GPATCH8: variants seen among roughly 807,000 people sequenced by gnomAD.
GPATCH8 encodes G patch domain-containing protein 8.
In GPATCH8, 18 loss-of-function variants were observed where a neutral mutation model predicts 118.3. That is an observed-to-expected ratio of 0.15 (90% CI 0.11 to 0.23). The LOEUF (loss-of-function observed/expected upper bound fraction) is 0.23, where lower values mean the gene tolerates loss of function less well. GPATCH8 is among the 10% of genes least tolerant of loss of function. The pLI is 1.00. For missense variants in GPATCH8, 1,631 were observed against 1,873.8 expected (o/e 0.87, Z 2.39); for synonymous variants, 659 against 684.7 (o/e 0.96, Z 0.59).
At chr17:44,451,684 G>T (rs185045873) in intron 3 of GPATCH8, among the ~76,000 whole-genome samples, 1 of 152,218 alleles carries the variant, frequency 6.6e-6, no homozygotes, top group African/African-American at 2.4e-5. Flanking sequence ...TTTGGCAAAA[G>T]TTCTTACCAC....
chr17:44,489,429 C>G (rs1969060343), intron 1 of GPATCH8, among the ~76,000 whole-genome samples: 2 of 151,926 alleles, frequency 1.3e-5, no homozygotes, highest in Admixed American at 1.3e-4. Flanking sequence ...CAACCTACCC[C>G]TCCTGGGTTC....
At chr17:44,413,186 C>T (rs1282820687) in intron 6 of GPATCH8, among the ~76,000 whole-genome samples, 1 of 152,038 alleles carries the variant, frequency 6.6e-6, no homozygotes. Flanking sequence ...AAGAAAAAAC[C>T]AAGTATTTGG....
At position 44,396,967 on chromosome 17, in the gene GPATCH8, G is replaced by A. The variant is rs1465796815; in HGVS notation, c.*601C>T. 4 of 454,020 alleles carry A rather than the reference G, an allele frequency of 8.8e-6. No individual in the cohort carries two copies. The highest frequency in any genetic ancestry group is 1.6e-5 in the South Asian group (1 of 64,476). 28.1% of individuals were successfully genotyped at this position (454,020 alleles called of 1,614,324 possible). A position where few individuals can be genotyped will look rare whatever the true frequency, so the allele number is the denominator to read the frequency against. On this transcript the variant is annotated 3_prime_UTR_variant, in exon 8 of 8. Coordinates refer to ENST00000591680, the MANE Select transcript of GPATCH8 (RefSeq NM_001002909.4). The stretch of plus-strand genomic sequence containing the variant: ...ATAACAGTGCCAAATGTGTGGCTCC[G>A]TTGATGTGGGAACTGGATGGAATTG...
chr17:44,459,134 G>A (rs1414006499), intron 3 of GPATCH8, among the ~76,000 whole-genome samples: 1 of 152,110 alleles, frequency 6.6e-6, no homozygotes, highest in African/African-American at 2.4e-5. Flanking sequence ...AGTGAGCTCA[G>A]AATTAGTGAA....
At chr17:44,464,838 A>G (rs1383010242) in intron 2 of GPATCH8, 2 of 381,352 alleles carry the variant, frequency 5.2e-6, no homozygotes, top group Non-Finnish European at 9.7e-6. Context: ...GAAAAGGGGA[A>G]GAATACATTT....
chr17:44,405,804 C>G, intron 7 of GPATCH8, 117 bp downstream of exon 7: 1 of 849,962 alleles, frequency 1.2e-6, no homozygotes, highest in South Asian at 1.6e-5. Context: ...GCGCCTGGCA[C>G]AAGGTTTTTA....
chr17:44,487,093 C>T (rs559689333), intron 1 of GPATCH8, among the ~76,000 whole-genome samples: 2 of 152,228 alleles, frequency 1.3e-5, no homozygotes, highest in Non-Finnish European at 2.9e-5. Context: ...CATTTATCTA[C>T]CATTATAGTA....
chr17:44,435,409 TCC>T (rs2050465202), intron 4 of GPATCH8, among the ~76,000 whole-genome samples: 2 of 84,940 alleles, frequency 2.4e-5, no homozygotes, highest in South Asian at 3.9e-4. Flanking sequence ...TTTCTTTCTT[TCC>T]TTTTTTTTTT....
At chr17:44,430,506 A>C (rs909507639) in intron 5 of GPATCH8, among the ~76,000 whole-genome samples, 1 of 152,210 alleles carries the variant, frequency 6.6e-6, no homozygotes, top group South Asian at 2.1e-4. Flanking sequence ...TAAAAACACT[A>C]AACAAAGCAG....
At position 44,396,876 on chromosome 17, in the gene GPATCH8, T is replaced by C; in HGVS notation, c.*692A>G. On this transcript the variant is annotated 3_prime_UTR_variant, in exon 8 of 8. Coordinates refer to ENST00000591680, the MANE Select transcript of GPATCH8 (RefSeq NM_001002909.4). ...AGCTCCTCTCTGGGCCATACAGCTT[T>C]TATTCATGATAGGATCTTCTTTTCT... The C allele has an allele frequency of 2.2e-6, 1 of 454,366 alleles. No homozygotes were observed. The highest frequency in any genetic ancestry group is 4.4e-6 in the Non-Finnish European group (1 of 226,782). The allele number at this position is 454,366 out of a possible 1,614,324, so 28.1% of individuals were successfully genotyped here. A position where few individuals can be genotyped will look rare whatever the true frequency, so the allele number is the denominator to read the frequency against.
chr17:44,416,535 A>T (rs1185944581), intron 6 of GPATCH8, among the ~76,000 whole-genome samples: 1 of 152,200 alleles, frequency 6.6e-6, no homozygotes, highest in Non-Finnish European at 1.5e-5. Context: ...CACTGAACCC[A>T]ACATTTTCAC....
rs1967211613 is a variant in GPATCH8 at position 44,470,687 on chromosome 17, T to C, written c.120+4142A>G. Among the ~76,000 whole-genome samples the C allele has an allele frequency of 3.3e-5, 5 of 152,132 alleles. No individual in the cohort carries two copies. The South Asian group carries it at 6.2e-4, about 19-fold the overall frequency. On this transcript the variant is annotated intron_variant, in intron 2 of 7. Transcript: ENST00000591680. ...ACCACGTCTGGCTACTTTTTGTATT[T>C]TTAGTAGAGACAGGGTTTCACCATG...
chr17:44,424,204 AAC>A, intron 6 of GPATCH8, 143 bp downstream of exon 6: 1 of 674,260 alleles, frequency 1.5e-6, no homozygotes. Flanking sequence ...CCACTGAAAA[AAC>A]AAAGTGTGTT....
At chr17:44,448,422 T>C (rs2050968699) in intron 3 of GPATCH8, among the ~76,000 whole-genome samples, 1 of 127,862 alleles carries the variant, frequency 7.8e-6, no homozygotes, top group Non-Finnish European at 1.6e-5. Flanking sequence ...TGGCCAGACA[T>C]GGTGGCAAAT....
chr17:44,395,932 G>A lies in GPATCH8; in HGVS notation c.*1636C>T, dbSNP rs1408903426. 1 of 454,274 alleles carries A rather than the reference G, an allele frequency of 2.2e-6. No individual in the cohort carries two copies. Among genetic ancestry groups the A allele is most frequent in the East Asian group, 6.9e-5 (1 of 14,390 alleles). 28.1% of individuals were successfully genotyped at this position (454,274 alleles called of 1,614,324 possible). ...AGAGCCTGGGTGAAAGGCAAGAAGA[G>A]GGGCAAAAGAGGCTGAGGTGGTAAT... On this transcript the variant is annotated 3_prime_UTR_variant, in exon 8 of 8. Transcript: ENST00000591680.
chr17:44,458,338 C>A (rs1258146054), intron 3 of GPATCH8, among the ~76,000 whole-genome samples: 1 of 151,098 alleles, frequency 6.6e-6, no homozygotes, highest in Non-Finnish European at 1.5e-5. Context: ...GTAATGTTTT[C>A]ACTAGTTGAT....
At chr17:44,437,242 T>C (rs1471123695) in intron 3 of GPATCH8, among the ~76,000 whole-genome samples, 1 of 152,186 alleles carries the variant, frequency 6.6e-6, no homozygotes, top group Non-Finnish European at 1.5e-5. Flanking sequence ...CGAGGGTAAC[T>C]GGTAAGCTGT....
chr17:44,502,754 C>T (rs537758143), intron 1 of GPATCH8, among the ~76,000 whole-genome samples: 1 of 152,174 alleles, frequency 6.6e-6, no homozygotes, highest in Admixed American at 6.5e-5. Context: ...AACACTTATG[C>T]CCCGCGAAAT....
In GPATCH8 at chr17:44,424,382, G is replaced by A; in HGVS notation, c.459C>T (p.Asn153=). 6.2e-7 allele frequency: 1 copy of A among 1,602,250 alleles called. No individual in the cohort carries two copies. Among genetic ancestry groups the A allele is most frequent in the Non-Finnish European group, 8.6e-7 (1 of 1,169,100 alleles). ...KQYQKHQEFD[N]HINSYDHAHK... ...GTGCATGATCATAGGAGTTGATATG[G>A]TTATCAAATTCCTGATGTTTCTGAT... Residue 153 remains asparagine, a synonymous_variant, in exon 6 of 8, where the codon AAC becomes AAT. Coordinates refer to ENST00000591680, the MANE Select transcript of GPATCH8 (RefSeq NM_001002909.4).
Sources: gnomAD v4.1 joint callset for allele counts (sites outside exome capture counted in the v4.1 genomes callset) on GRCh38, gnomAD v4.1.1 for gene constraint, MANE v1.5 for transcripts, NCBI Gene and HGNC (gene_info 2026-07-23, HGNC 2026-07-21) for gene names.